The following CALCR variants were observed in gnomAD, a reference collection of about 807,000 sequenced individuals.
The protein encoded by CALCR is calcitonin receptor.
A neutral mutation model predicts 59.5 loss-of-function variants in CALCR; 47 were observed. That is an observed-to-expected ratio of 0.79 (90% CI 0.63 to 1.01). The LOEUF is 1.01. Among genes scored for constraint, CALCR ranks in the 50% least tolerant of loss-of-function variants. The pLI is 0.00. For missense variants in CALCR, 566 were observed against 597.1 expected (o/e 0.95, Z 0.54); for synonymous variants, 213 against 211.3 (o/e 1.01, Z -0.07).
intron 2 of CALCR, among the ~76,000 whole-genome samples, chr7:93,558,585 TAA>T (rs992684369): frequency 6.6e-6 from 1 of 152,102 alleles, no homozygotes; most frequent in African/African-American, 2.4e-5. Flanking sequence ...GTCTTTTAAA[TAA>T]AGACTCTTAT....
chr7:93,487,385 T>C (rs1471580626), intron 2 of CALCR, among the ~76,000 whole-genome samples: 1 of 151,434 alleles, frequency 6.6e-6, no homozygotes, highest in East Asian at 1.9e-4. Context: ...TCACTGGACA[T>C]GAACAAATAA....
intron 2 of CALCR, among the ~76,000 whole-genome samples, chr7:93,523,773 C>T (rs1052609291): frequency 6.6e-6 from 1 of 151,780 alleles, no homozygotes; most frequent in Non-Finnish European, 1.5e-5. Context: ...AAATAAAATT[C>T]GGGTCAATAT....
intron 2 of CALCR, among the ~76,000 whole-genome samples, chr7:93,563,419 C>T (rs1789791032): frequency 6.6e-6 from 1 of 152,058 alleles, no homozygotes. Context: ...CCATGTTTTG[C>T]TAAGAGTTGT....
chr7:93,551,042 T>C (rs1328770355), intron 2 of CALCR, among the ~76,000 whole-genome samples: 3 of 152,184 alleles, frequency 2.0e-5, no homozygotes, highest in South Asian at 4.1e-4. Context: ...TGAGTGAGTC[T>C]AAAATTAGCA....
rs766589140 is a variant in CALCR at position 93,460,867 on chromosome 7, T to C, written c.602A>G (p.His201Arg). 3 of 1,611,790 alleles carry C rather than the reference T, an allele frequency of 1.9e-6. No homozygotes were observed. The highest frequency in any genetic ancestry group is 2.5e-6 in the Non-Finnish European group (3 of 1,178,440). ...YILNSMIIII[H>R]LVEVVPNGEL... ...TCCATTGGGTACTACTTCAACCAGG[T>C]GGATGATGATAATCATAGAATTCAG... is the stretch of plus-strand genomic sequence containing the variant. Residue 201 changes from histidine to arginine, a missense_variant, in exon 8 of 14, where the codon CAC (histidine) becomes CGC (arginine). Transcript: ENST00000426151.
intron 9 of CALCR, chr7:93,441,622 C>T (rs1799906800): frequency 2.3e-6 from 1 of 432,750 alleles, no homozygotes; most frequent in African/African-American, 2.1e-5. Context: ...CAGGAAAGAG[C>T]AGGAGAACCT....
intron 5 of CALCR, 32 bp downstream of exon 5, chr7:93,477,526 G>A (rs368094364): frequency 1.8e-5 from 25 of 1,427,552 alleles, no homozygotes; most frequent in East Asian, 2.3e-5. Flanking sequence ...AAGCTTCATA[G>A]CAAGAACATA....
chr7:93,555,622 G>A (rs180979139), intron 2 of CALCR, among the ~76,000 whole-genome samples: 1 of 152,254 alleles, frequency 6.6e-6, no homozygotes, highest in Non-Finnish European at 1.5e-5. Flanking sequence ...TATCAAATGG[G>A]AAACATTGAA....
At position 93,425,404 on chromosome 7, in the gene CALCR, A is replaced by G. The variant is rs1340555192; in HGVS notation, c.*952T>C. 2 of 152,608 alleles carry G rather than the reference A, an allele frequency of 1.3e-5. No homozygotes were observed. Among genetic ancestry groups the G allele is most frequent in the African/African-American group, 4.8e-5 (2 of 41,450 alleles). The allele number at this position is 152,608 out of a possible 1,614,324, so 9.5% of individuals were successfully genotyped here. On this transcript the variant is annotated 3_prime_UTR_variant, in exon 14 of 14. Coordinates refer to ENST00000426151, the MANE Select transcript of CALCR (RefSeq NM_001742.4). ...GGAGTCTTTTAATTACCAATATTCA[A>G]CAAATTTATCTTTTACTGCTAGATA... is the stretch of plus-strand genomic sequence containing the variant.
chr7:93,477,765 A>G, intron 4 of CALCR, 97 bp from the exon 5 acceptor site: 2 of 737,602 alleles, frequency 2.7e-6, no homozygotes, highest in Non-Finnish European at 4.7e-6. Flanking sequence ...TGAGCTCACT[A>G]CACCAGTCAT....
intron 7 of CALCR, among the ~76,000 whole-genome samples, chr7:93,461,808 G>GA (rs1193016478): frequency 2.0e-5 from 3 of 152,084 alleles, no homozygotes; most frequent in Non-Finnish European, 4.4e-5. Flanking sequence ...ATGCAATAGA[G>GA]AGAGCCTACA....
At chr7:93,462,101 T>C (rs1351976924) in intron 7 of CALCR, 2 of 1,499,636 alleles carry the variant, frequency 1.3e-6, no homozygotes, top group African/African-American at 1.4e-5. Flanking sequence ...GAAAAATAGT[T>C]GTCAATTTTC....
At chr7:93,515,072 A>G (rs1187556242) in intron 2 of CALCR, among the ~76,000 whole-genome samples, 2 of 152,028 alleles carry the variant, frequency 1.3e-5, no homozygotes, top group African/African-American at 2.4e-5. Context: ...TGTTTCTGAC[A>G]TCAGTAGAAA....
At chr7:93,516,731 A>G (rs981801986) in intron 2 of CALCR, among the ~76,000 whole-genome samples, 2 of 151,874 alleles carry the variant, frequency 1.3e-5, no homozygotes, top group Non-Finnish European at 2.9e-5. Flanking sequence ...AAGTTTTCCC[A>G]TAATGCTACT....
At chr7:93,534,237 A>C (rs534050152) in intron 2 of CALCR, among the ~76,000 whole-genome samples, 2 of 151,980 alleles carry the variant, frequency 1.3e-5, no homozygotes, top group African/African-American at 4.8e-5. Context: ...TATTGTACTT[A>C]TACATATAAT....
At chr7:93,480,434 T>C (rs546276697) in intron 3 of CALCR, among the ~76,000 whole-genome samples, 13 of 151,980 alleles carry the variant, frequency 8.6e-5, no homozygotes, top group African/African-American at 2.9e-4. Context: ...TGACTTTCCT[T>C]TTTCTAAATT....
intron 2 of CALCR, among the ~76,000 whole-genome samples, chr7:93,547,544 C>A (rs1789322395): frequency 6.6e-6 from 1 of 152,150 alleles, no homozygotes; most frequent in African/African-American, 2.4e-5. Context: ...GAATTTGAAG[C>A]AGGCCATACT....
intron 9 of CALCR, among the ~76,000 whole-genome samples, chr7:93,440,106 G>A (rs1473626609): frequency 1.3e-5 from 2 of 151,990 alleles, no homozygotes; most frequent in African/African-American, 4.8e-5. Flanking sequence ...TAAATGAATG[G>A]GCTTTACATC....
intron 2 of CALCR, among the ~76,000 whole-genome samples, chr7:93,493,358 T>C (rs1230169901): frequency 6.6e-6 from 1 of 151,444 alleles, no homozygotes; most frequent in Admixed American, 6.6e-5. Context: ...TCCACAATTA[T>C]CCATGAATTG....
Sources: gnomAD v4.1 joint callset for allele counts (sites outside exome capture counted in the v4.1 genomes callset) on GRCh38, gnomAD v4.1.1 for gene constraint, MANE v1.5 for transcripts, NCBI Gene and HGNC (gene_info 2026-07-23, HGNC 2026-07-21) for gene names.